The following OR4K1 variants were observed in gnomAD, a reference collection of about 807,000 sequenced individuals.
OR4K1 encodes olfactory receptor 4K1.
In OR4K1, 16 loss-of-function variants were observed where a neutral mutation model predicts 14.4. The observed-to-expected ratio is 1.11, with a 90% confidence interval of 0.75 to 1.68. The LOEUF is 1.68. OR4K1 is among the 40% of genes most tolerant of loss of function. OR4K1 has a pLI of 0.00. For synonymous variants in OR4K1, 181 were observed against 133.1 expected (o/e 1.36, Z -2.48); for missense variants, 548 against 376.9 (o/e 1.45, Z -3.76).
upstream of OR4K1, among the ~76,000 whole-genome samples, chr14:19,927,235 C>T (rs1882080416): frequency 6.6e-6 from 1 of 152,338 alleles, no homozygotes; most frequent in African/African-American, 2.4e-5. Flanking sequence ...TCATTCTATG[C>T]CTTGGTGCAA....
chr14:19,926,954 G>A (rs963348940), upstream of OR4K1, among the ~76,000 whole-genome samples: 1 of 152,228 alleles, frequency 6.6e-6, no homozygotes, highest in African/African-American at 2.4e-5. Context: ...CTAAGTACCT[G>A]ACCATTGATT....
At chr14:19,920,672 A>T in the OR4K1 span, 1 of 1,613,792 alleles carries the variant, frequency 6.2e-7, no homozygotes, top group East Asian at 2.2e-5. Flanking sequence ...GTTCTCAAAA[A>T]CTCCAGCTTT....
At position 19,936,070 on chromosome 14, in the gene OR4K1, T is replaced by C. The variant is rs763605288; in HGVS notation, c.404T>C (p.Ile135Thr). The C allele has an allele frequency of 2.5e-6, 4 of 1,614,262 alleles. No individual in the cohort carries two copies. Among genetic ancestry groups the C allele is most frequent in the Middle Eastern group, 1.6e-4 (1 of 6,062 alleles). The change falls in exon 2 of 2, where the codon ATT (isoleucine) becomes ACT (threonine). Residue 135 changes from isoleucine (I) to threonine (T), a missense_variant. By Grantham distance (89) the Ile-to-Thr change is moderately conservative (BLOSUM62 -1). Coordinates refer to ENST00000641172, the MANE Select transcript of OR4K1 (RefSeq NM_001004063.3). ...AICKPLHYST[I>T]MNRRLCVIFV... ...TGTAAGCCTCTGCACTACAGTACAA[T>C]TATGAACCGGAGGCTCTGTGTAATT...
upstream of OR4K1, among the ~76,000 whole-genome samples, chr14:19,929,074 T>C (rs1476745048): frequency 6.6e-6 from 1 of 151,876 alleles, no homozygotes; most frequent in Non-Finnish European, 1.5e-5. Context: ...TCCAAGATTA[T>C]AAAAAAATCT....
chr14:19,934,617 C>T (rs1882261091), intron 1 of OR4K1, among the ~76,000 whole-genome samples: 1 of 152,142 alleles, frequency 6.6e-6, no homozygotes, highest in Non-Finnish European at 1.5e-5. Context: ...ATTGGCTCTT[C>T]CTTCTCTATT....
upstream of OR4K1, among the ~76,000 whole-genome samples, chr14:19,928,662 A>G (rs1882114638): frequency 6.6e-6 from 1 of 152,138 alleles, no homozygotes; most frequent in Non-Finnish European, 1.5e-5. Flanking sequence ...TATAAAATGT[A>G]TGTTTCTATT....
At chr14:19,931,508 T>C (rs1882183672) in intron 1 of OR4K1, 1 of 152,484 alleles carries the variant, frequency 6.6e-6, no homozygotes, top group East Asian at 1.9e-4. Flanking sequence ...TTGCCTCAAA[T>C]GAAGAAAAGT....
Position 19,936,316 on chromosome 14 carries a change from C to G in OR4K1, c.650C>G (p.Ser217Cys), listed in dbSNP as rs1882320989. The part of the protein sequence containing the change: ...SLSCFLALII[S>C]YTIILIGVRC... The stretch of plus-strand genomic sequence containing the variant: ...AGCTGTTTCCTGGCTTTAATTATTT[C>G]CTACACCATCATTTTGATCGGTGTC... The change falls in exon 2 of 2, where the codon TCC becomes TGC. Residue 217 changes from serine (S) to cysteine (C), a missense_variant. Ser to Cys is a moderately radical substitution (Grantham distance 112). Transcript: ENST00000641172. 2 of 1,614,124 alleles carry G rather than the reference C, an allele frequency of 1.2e-6. No homozygotes were observed. Among genetic ancestry groups the G allele is most frequent in the Non-Finnish European group, 1.7e-6 (2 of 1,180,040 alleles).
At chr14:19,925,410 GCTT>G in the OR4K1 span, among the ~76,000 whole-genome samples, 2 of 152,148 alleles carry the variant, frequency 1.3e-5, no homozygotes, top group East Asian at 1.9e-4. Context: ...GTATTATATG[GCTT>G]CTTCTTCACG....
chr14:19,931,283 T>C (rs1404906872), intron 1 of OR4K1, 138 bp downstream of exon 1: 3 of 152,396 alleles, frequency 2.0e-5, no homozygotes, highest in African/African-American at 7.2e-5. Context: ...GAAAACTCCC[T>C]CTGGAAGAAG....
chr14:19,926,811 T>C (rs781671796), upstream of OR4K1, among the ~76,000 whole-genome samples: 20 of 152,224 alleles, frequency 1.3e-4, no homozygotes, highest in Non-Finnish European at 2.4e-4. Context: ...AATAAGGACA[T>C]TGTGTAGATT....
the OR4K1 span, among the ~76,000 whole-genome samples, chr14:19,923,583 AT>A: frequency 5.3e-5 from 8 of 152,334 alleles, 1 homozygote; most frequent in African/African-American, 1.9e-4. Context: ...AAAAGAAAAA[AT>A]ATGTCAACAA....
At chr14:19,924,830 G>T in the OR4K1 span, among the ~76,000 whole-genome samples, 2 of 152,176 alleles carry the variant, frequency 1.3e-5, no homozygotes, top group South Asian at 4.1e-4. Context: ...AATGCTAAGA[G>T]CAATGAATTT....
Position 19,935,704 on chromosome 14 carries a change from T to C in OR4K1, c.38T>C (p.Val13Ala), listed in dbSNP as rs747350964. The change falls in exon 2 of 2, where the codon GTA (valine) becomes GCA (alanine). Residue 13 changes from valine (V) to alanine (A), a missense_variant. Coordinates refer to ENST00000641172, the MANE Select transcript of OR4K1 (RefSeq NM_001004063.3). ...HTNESMVSEF[V>A]LLGLSNSWGL... ...AATGAATCGATGGTGTCTGAGTTTG[T>C]ACTTTTGGGACTCTCTAATTCCTGG... 6.2e-7 allele frequency: 1 copy of C among 1,610,860 alleles called. No individual in the cohort carries two copies. Among genetic ancestry groups the C allele is most frequent in the Non-Finnish European group, 8.5e-7 (1 of 1,179,222 alleles).
chr14:19,928,462 G>A (rs145021573), upstream of OR4K1, among the ~76,000 whole-genome samples: 15 of 152,056 alleles, frequency 9.9e-5, no homozygotes, highest in East Asian at 3.8e-4. Context: ...CCAATGTGTC[G>A]CTAATTCATG....
upstream of OR4K1, among the ~76,000 whole-genome samples, chr14:19,929,398 TGTGTGTGC>T (rs1171238752): frequency 1.8e-4 from 23 of 127,102 alleles, no homozygotes; most frequent in African/African-American, 4.0e-4. Context: ...TGTGTGTGTG[TGTGTGTGC>T]GTATGGGGGG....
At chr14:19,928,915 A>G (rs2138587222), upstream of OR4K1, among the ~76,000 whole-genome samples, 1 of 152,168 alleles carries the variant, frequency 6.6e-6, no homozygotes, top group South Asian at 2.1e-4. Context: ...TATGTTGCAC[A>G]TATTTTATAG....
the OR4K1 span, chr14:19,921,695 T>G: frequency 9.0e-7 from 1 of 1,106,490 alleles, no homozygotes; most frequent in East Asian, 2.6e-5. Flanking sequence ...GAACATTTAA[T>G]GAATATTAAC....
At chr14:19,920,699 C>G in the OR4K1 span, 4 of 1,614,076 alleles carry the variant, frequency 2.5e-6, no homozygotes, top group Non-Finnish European at 3.4e-6. Flanking sequence ...TTTGTTTCTT[C>G]TCTGTGTTGT....
Sources: allele counts gnomAD v4.1 joint callset (sites outside exome capture counted in the v4.1 genomes callset), GRCh38; gene constraint gnomAD v4.1.1; transcripts MANE v1.5; gene names NCBI Gene and HGNC (gene_info 2026-07-23, HGNC 2026-07-21).